NRXN3: variants seen among roughly 807,000 people sequenced by gnomAD.
NRXN3 encodes the protein neurexin III.
In NRXN3, 32 loss-of-function variants were observed where a neutral mutation model predicts 137.6. The observed-to-expected ratio is 0.23, with a 90% CI of 0.18 to 0.31. NRXN3 has a LOEUF of 0.31. Among genes scored for constraint, NRXN3 ranks in the 10% least tolerant of loss-of-function variants. The probability of loss-of-function intolerance (pLI) is 1.00; values close to 1 mark genes in which losing one functional copy is unlikely to be tolerated. For synonymous variants in NRXN3, 798 were observed against 784.5 expected (o/e 1.02, Z -0.29); for missense variants, 1,574 against 2,062.5 (o/e 0.76, Z 4.59).
chr14:79,584,428 G>A (rs17764102), intron 16 of NRXN3, among the ~76,000 whole-genome samples: 17,664 of 152,148 alleles, frequency 0.12, 1,151 homozygotes, highest in South Asian at 0.23. Flanking sequence ...ATAGGCATGT[G>A]AGCTTTTGTT....
chr14:79,349,337 A>T (rs1427904365), intron 15 of NRXN3, among the ~76,000 whole-genome samples: 1 of 152,052 alleles, frequency 6.6e-6, no homozygotes, highest in Admixed American at 6.6e-5. Context: ...AATTTTAGTG[A>T]CCACCATAGA....
At chr14:79,567,186 A>G (rs2097558616) in intron 16 of NRXN3, among the ~76,000 whole-genome samples, 1 of 151,724 alleles carries the variant, frequency 6.6e-6, no homozygotes, top group South Asian at 2.1e-4. Flanking sequence ...TTATTTTTTG[A>G]CCCTTGAATG....
At chr14:78,865,179 G>A (rs1596645147) in intron 10 of NRXN3, among the ~76,000 whole-genome samples, 1 of 152,078 alleles carries the variant, frequency 6.6e-6, no homozygotes, top group Non-Finnish European at 1.5e-5. Context: ...GGAAGGTAGT[G>A]CTTATCTACT....
chr14:79,661,819 G>A (rs750015640), intron 16 of NRXN3: 5 of 151,918 alleles, frequency 3.3e-5, no homozygotes, highest in African/African-American at 7.2e-5. Flanking sequence ...ACAAAGGATC[G>A]TGAACTAGTA....
chr14:79,656,378 A>C (rs1394012923), intron 16 of NRXN3, among the ~76,000 whole-genome samples: 1 of 152,156 alleles, frequency 6.6e-6, no homozygotes, highest in African/African-American at 2.4e-5. Flanking sequence ...TTGCAGTCAA[A>C]CTTAACTACC....
intron 15 of NRXN3, among the ~76,000 whole-genome samples, chr14:79,018,260 C>CAAAAA (rs1163466834): frequency 4.3e-5 from 1 of 23,150 alleles, no homozygotes; most frequent in African/African-American, 1.6e-4. Flanking sequence ...AACTCTGTCT[C>CAAAAA]AAAAAAAAAA....
At chr14:79,457,689 C>T (rs1222566556) in intron 15 of NRXN3, among the ~76,000 whole-genome samples, 1 of 152,144 alleles carries the variant, frequency 6.6e-6, no homozygotes, top group Non-Finnish European at 1.5e-5. Flanking sequence ...CAGCCCCTGG[C>T]CTCTTGTAAG....
At chr14:78,807,574 A>C in intron 9 of NRXN3, among the ~76,000 whole-genome samples, 1 of 151,762 alleles carries the variant, frequency 6.6e-6, no homozygotes, top group African/African-American at 2.4e-5. Flanking sequence ...CATCTCTACT[A>C]AAATACAAAA....
At chr14:78,845,027 T>A (rs2099022654) in intron 10 of NRXN3, among the ~76,000 whole-genome samples, 1 of 151,960 alleles carries the variant, frequency 6.6e-6, no homozygotes, top group South Asian at 2.1e-4. Flanking sequence ...TTAGTTTGAG[T>A]AACAAACCAG....
chr14:79,377,934 T>C (rs2153448621), intron 15 of NRXN3, among the ~76,000 whole-genome samples: 1 of 152,290 alleles, frequency 6.6e-6, no homozygotes, highest in Non-Finnish European at 1.5e-5. Flanking sequence ...CAGGTTGAAA[T>C]GTGGCATTGG....
intron 8 of NRXN3, among the ~76,000 whole-genome samples, chr14:78,751,293 G>A (rs779891377): frequency 3.3e-5 from 5 of 152,176 alleles, no homozygotes; most frequent in African/African-American, 7.2e-5. Context: ...CCGATGTTCC[G>A]AAGAAAGGAA....
At chr14:79,101,907 A>G (rs2051374154) in intron 15 of NRXN3, among the ~76,000 whole-genome samples, 1 of 152,192 alleles carries the variant, frequency 6.6e-6, no homozygotes, top group Admixed American at 6.5e-5. Context: ...CACAGAGAAG[A>G]GAGTGCCATG....
chr14:78,481,400 T>C (rs748370000), intron 4 of NRXN3, among the ~76,000 whole-genome samples: 9 of 152,226 alleles, frequency 5.9e-5, no homozygotes, highest in Non-Finnish European at 1.3e-4. Flanking sequence ...TGCGAAAATA[T>C]TAGCTTTCAC....
At chr14:79,107,073 A>G (rs1456195469) in intron 15 of NRXN3, among the ~76,000 whole-genome samples, 1 of 152,186 alleles carries the variant, frequency 6.6e-6, no homozygotes, top group East Asian at 1.9e-4. Context: ...ACTAAAGAAT[A>G]TGAAAGGTAA....
In NRXN3 at chr14:78,742,908, A is replaced by C. The variant is rs543885376; in HGVS notation, c.2044+27769A>C. Among the ~76,000 whole-genome samples the C allele has an allele frequency of 7.3e-4, 111 of 152,330 alleles. 1 individual carries two copies. The highest frequency in any genetic ancestry group is 2.6e-3 in the African/African-American group (108 of 41,576). On this transcript the variant is annotated intron_variant, in intron 8 of 20. Transcript: ENST00000335750. The stretch of plus-strand genomic sequence containing the variant: ...TGCAAATAAACAGCTTAGTTAAATA[A>C]ACTCAAGACACCATCATTAAACAAT...
rs981975337 is a variant in NRXN3, at chr14:79,861,254, T to C, written c.4094-88T>C. ...TTGTGATGATGATGGCTTGGTGATATCTGGGTATGGCTCAGGGGAAACCTT... is the reference window on the plus strand; with the variant it reads ...TTGTGATGATGATGGCTTGGTGATACCTGGGTATGGCTCAGGGGAAACCTT... On this transcript the variant is annotated intron_variant, in intron 20 of 20. Transcript: ENST00000335750. This position sits in a 1 kb window ranked among gnomAD's most constrained non-coding sequence, Gnocchi z 5.4. 6.5e-7 allele frequency: 1 copy of C among 1,535,628 alleles called. No individual in the cohort carries two copies. The highest frequency in any genetic ancestry group is 1.4e-5 in the African/African-American group (1 of 72,968).
intron 4 of NRXN3, among the ~76,000 whole-genome samples, chr14:78,503,922 T>G (rs990038874): frequency 6.6e-6 from 1 of 152,166 alleles, no homozygotes; most frequent in Non-Finnish European, 1.5e-5. Flanking sequence ...CAGAATGTGT[T>G]TCATAAAAAT....
intron 4 of NRXN3, among the ~76,000 whole-genome samples, chr14:78,498,599 A>G (rs1362617826): frequency 6.6e-6 from 1 of 152,150 alleles, no homozygotes; most frequent in African/African-American, 2.4e-5. Context: ...CAGCTTTGCA[A>G]GATACAGTGG....
chr14:79,582,292 C>T (rs1357767994), intron 16 of NRXN3, among the ~76,000 whole-genome samples: 1 of 151,966 alleles, frequency 6.6e-6, no homozygotes, highest in East Asian at 2.0e-4. Context: ...GTAATAGGAG[C>T]TCACAAGGGT....
Sources: allele counts gnomAD v4.1 joint callset (sites outside exome capture counted in the v4.1 genomes callset), GRCh38; gene constraint gnomAD v4.1.1; non-coding constraint Gnocchi (gnomAD v3.1); transcripts MANE v1.5; gene names NCBI Gene and HGNC (gene_info 2026-07-23, HGNC 2026-07-21).